The following JPH2 variants were observed in gnomAD, a reference collection of about 807,000 sequenced individuals.
The protein encoded by JPH2 is junctophilin-2.
A neutral mutation model predicts 55.9 loss-of-function variants in JPH2; 38 were observed. The ratio of observed to expected loss-of-function variants is 0.68; its 90% CI spans 0.52 to 0.89. JPH2 has a LOEUF of 0.89. Among genes scored for constraint, JPH2 ranks in the 40% least tolerant of loss-of-function variants. The pLI is 0.00. For synonymous variants in JPH2, 480 were observed against 472.4 expected (o/e 1.02, Z -0.21); for missense variants, 964 against 1,037.6 (o/e 0.93, Z 0.97).
At chr20:44,141,656 T>C (rs141053471) in intron 2 of JPH2, among the ~76,000 whole-genome samples, 369 of 152,138 alleles carry the variant, frequency 2.4e-3, no homozygotes, top group Admixed American at 4.2e-3. Context: ...CTACCACGCC[T>C]AGCTAATATT....
intron 1 of JPH2, among the ~76,000 whole-genome samples, chr20:44,164,430 G>C (rs1162147333): frequency 6.6e-6 from 1 of 152,120 alleles, no homozygotes; most frequent in South Asian, 2.1e-4. Context: ...GTCTTTTGAG[G>C]ATTAAAAATA....
chr20:44,114,443 C>T (rs924759363), intron 5 of JPH2, among the ~76,000 whole-genome samples: 1 of 152,132 alleles, frequency 6.6e-6, no homozygotes, highest in Admixed American at 6.5e-5. Context: ...AGGAGTGAGT[C>T]CCTGCTGTAT....
intron 1 of JPH2, among the ~76,000 whole-genome samples, chr20:44,178,794 A>C (rs187327890): frequency 6.6e-6 from 1 of 152,368 alleles, no homozygotes; most frequent in East Asian, 1.9e-4. Context: ...GCATAAAGAT[A>C]GACAAACTGA....
chr20:44,166,267 C>T (rs2072655146), intron 1 of JPH2, among the ~76,000 whole-genome samples: 1 of 152,208 alleles, frequency 6.6e-6, no homozygotes, highest in Non-Finnish European at 1.5e-5. Flanking sequence ...GGACAAAGGA[C>T]TCATCCAAGA....
chr20:44,133,583 G>A (rs1397376913), intron 2 of JPH2, among the ~76,000 whole-genome samples: 4 of 151,902 alleles, frequency 2.6e-5, no homozygotes, highest in African/African-American at 4.8e-5. Context: ...GTGCCCAGCC[G>A]ACTGACTGGA....
Position 44,116,187 on chromosome 20 carries a change from C to A in JPH2, c.1488G>T (p.Arg496=). Residue 496 remains arginine, a synonymous_variant, in exon 4 of 6, where the codon CGG becomes CGT. Coordinates refer to ENST00000372980, the MANE Select transcript of JPH2 (RefSeq NM_020433.5). The stretch of plus-strand genomic sequence containing the variant: ...CGTCCTTGGACACCCCGGGCCTGGG[C>A]CGCTTGGGCTGCGGGGGCGTCCCGG... The part of the protein sequence containing the change: ...SPAGTPPQPK[R]PRPGVSKDGL... 7.2e-7 allele frequency: 1 copy of A among 1,392,186 alleles called. No homozygotes were observed. Among genetic ancestry groups the A allele is most frequent in the Non-Finnish European group, 9.2e-7 (1 of 1,084,990 alleles). The allele number at this position is 1,392,186 out of a possible 1,614,324, so 86.2% of individuals were successfully genotyped here. A position where few individuals can be genotyped will look rare whatever the true frequency, so the allele number is the denominator to read the frequency against.
At chr20:44,152,019 C>T (rs2072534173) in intron 2 of JPH2, among the ~76,000 whole-genome samples, 1 of 152,222 alleles carries the variant, frequency 6.6e-6, no homozygotes, top group Admixed American at 6.5e-5. Flanking sequence ...TGGACCCCAT[C>T]AATTTCATCT....
rs199845988 is a variant in JPH2 at position 44,115,867 on chromosome 20, G to A, written c.1808C>T (p.Pro603Leu). ...ESAPSSPATA[P>L]LQAPTLRGPE... ...GCCTCGGAGCGTGGGGGCCTGCAGC[G>A]GGGCGGTGGCCGGGGACGAGGGCGC... The change falls in exon 4 of 6, where the codon CCG (proline) becomes CTG (leucine). Residue 603 changes from proline (P) to leucine (L), a missense_variant. Physicochemically the swap from Pro to Leu is moderately conservative, Grantham distance 98 (BLOSUM62 -3). Transcript: ENST00000372980. The A allele has an allele frequency of 5.4e-5, 86 of 1,586,446 alleles. No individual in the cohort carries two copies. In the African/African-American group the frequency reaches 9.0e-4, roughly 17 times the overall value.
At chr20:44,148,828 C>A (rs2072510426) in intron 2 of JPH2, among the ~76,000 whole-genome samples, 2 of 152,100 alleles carry the variant, frequency 1.3e-5, no homozygotes, top group African/African-American at 4.8e-5. Context: ...CTTTGGGAGG[C>A]CGAGGTGGGT....
At chr20:44,127,487 CTT>C (rs556108505) in intron 2 of JPH2, among the ~76,000 whole-genome samples, 11 of 140,864 alleles carry the variant, frequency 7.8e-5, no homozygotes, top group Admixed American at 1.4e-4. Context: ...TATCATCCTT[CTT>C]TTTTTTTTTT....
intron 2 of JPH2, among the ~76,000 whole-genome samples, chr20:44,154,652 A>G (rs879443798): frequency 3.9e-5 from 6 of 152,160 alleles, no homozygotes; most frequent in Non-Finnish European, 7.3e-5. Context: ...ATGGAGAGAA[A>G]GCCCGGGCCT....
intron 2 of JPH2, among the ~76,000 whole-genome samples, chr20:44,150,077 T>C (rs1431629847): frequency 6.6e-6 from 1 of 151,864 alleles, no homozygotes; most frequent in African/African-American, 2.4e-5. Flanking sequence ...TAAGTTTTCA[T>C]GCCAGAAAAA....
Position 44,133,797 on chromosome 20 carries a change from G to A in JPH2, c.1170-15174C>T, listed in dbSNP as rs1437406540. ...CTTCTTAGAGCTGGAAGGCATGACT[G>A]AGATGTAGGCAGGGGGCGATATAAA... On this transcript the variant is annotated intron_variant, in intron 2 of 5. Coordinates refer to ENST00000372980, the MANE Select transcript of JPH2 (RefSeq NM_020433.5). Among the ~76,000 whole-genome samples the A allele has an allele frequency of 2.8e-5, 4 of 145,442 alleles. No individual in the cohort carries two copies. The Admixed American group carries it at 3.0e-4, about 11-fold the overall frequency.
intron 2 of JPH2, among the ~76,000 whole-genome samples, chr20:44,154,732 G>A (rs1048093049): frequency 3.9e-5 from 6 of 152,222 alleles, no homozygotes; most frequent in Admixed American, 1.3e-4. Flanking sequence ...TACTCATGAA[G>A]CCCCAGGGAT....
At chr20:44,143,388 C>T (rs1173794500) in intron 2 of JPH2, among the ~76,000 whole-genome samples, 1 of 152,192 alleles carries the variant, frequency 6.6e-6, no homozygotes, top group African/African-American at 2.4e-5. Flanking sequence ...CTGTCAGGGT[C>T]CCACGCAAGC....
intron 1 of JPH2, chr20:44,177,429 G>A (rs1006924443): frequency 1.5e-5 from 15 of 990,130 alleles, no homozygotes; most frequent in East Asian, 1.1e-4. Context: ...ACAGGGGCAC[G>A]TCTGCAGAGA....
intron 2 of JPH2, among the ~76,000 whole-genome samples, chr20:44,145,046 C>A (rs562049507): frequency 6.6e-6 from 1 of 152,302 alleles, no homozygotes; most frequent in South Asian, 2.1e-4. Context: ...GAGTGCAGGA[C>A]TAGAGCCCAG....
At chr20:44,166,875 G>T (rs966263184) in intron 1 of JPH2, among the ~76,000 whole-genome samples, 4 of 152,192 alleles carry the variant, frequency 2.6e-5, no homozygotes, top group African/African-American at 9.6e-5. Flanking sequence ...TGTAAACCCT[G>T]CAGGGCTTCC....
chr20:44,129,806 G>C (rs1288671520), intron 2 of JPH2, among the ~76,000 whole-genome samples: 1 of 152,106 alleles, frequency 6.6e-6, no homozygotes, highest in Non-Finnish European at 1.5e-5. Flanking sequence ...CCTTATAAGA[G>C]GGAGATTTGA....
Sources: allele counts gnomAD v4.1 joint callset (sites outside exome capture counted in the v4.1 genomes callset), GRCh38; gene constraint gnomAD v4.1.1; transcripts MANE v1.5; gene names NCBI Gene and HGNC (gene_info 2026-07-23, HGNC 2026-07-21).